FBXW11: variants seen among roughly 807,000 people sequenced by gnomAD.
FBXW11 encodes the protein F-box and WD repeat domain containing 11.
Under a neutral mutation model 77.6 loss-of-function variants are expected in FBXW11, and 19 were observed. The ratio of observed to expected loss-of-function variants is 0.24; its 90% CI spans 0.17 to 0.36. The LOEUF (loss-of-function observed/expected upper bound fraction) is 0.36, where lower values mean the gene tolerates loss of function less well. FBXW11 is among the 10% of genes least tolerant of loss of function. The pLI is 1.00. For synonymous variants in FBXW11, 235 were observed against 249.4 expected, an observed-to-expected ratio of 0.94 and a Z score of 0.54; for missense variants, 334 against 704.2, an observed-to-expected ratio of 0.47 and a Z score of 5.95.
At chr5:171,922,040 G>C (rs1045183146) in intron 2 of FBXW11, among the ~76,000 whole-genome samples, 1 of 136,130 alleles carries the variant, frequency 7.3e-6, no homozygotes, top group African/African-American at 2.7e-5. Context: ...CCAAGCAACA[G>C]TACATAAAGG....
At chr5:171,980,699 A>T (rs1328945145) in intron 1 of FBXW11, among the ~76,000 whole-genome samples, 1 of 152,220 alleles carries the variant, frequency 6.6e-6, no homozygotes. Flanking sequence ...TAGGATGTAG[A>T]GCAACTAAAC....
At chr5:171,937,206 C>T (rs1016211430) in intron 2 of FBXW11, among the ~76,000 whole-genome samples, 3 of 152,066 alleles carry the variant, frequency 2.0e-5, no homozygotes, top group African/African-American at 7.2e-5. Flanking sequence ...CAAAATGATA[C>T]TCAAGTTCAT....
intron 1 of FBXW11, among the ~76,000 whole-genome samples, chr5:172,003,910 T>C (rs1213856560): frequency 6.6e-6 from 1 of 152,206 alleles, no homozygotes; most frequent in Non-Finnish European, 1.5e-5. Context: ...GAAAGTTATC[T>C]TGTTAAGCAT....
chr5:172,000,169 A>G (rs1766327477), intron 1 of FBXW11, among the ~76,000 whole-genome samples: 1 of 152,216 alleles, frequency 6.6e-6, no homozygotes, highest in South Asian at 2.1e-4. Context: ...GAACAATACA[A>G]CTCAGAAGAA....
intron 13 of FBXW11, chr5:171,867,995 T>C (rs1757519925): frequency 6.6e-6 from 1 of 152,164 alleles, no homozygotes; most frequent in Non-Finnish European, 1.5e-5. Context: ...ACACGCTTAG[T>C]AATAATCAAA....
intron 4 of FBXW11, among the ~76,000 whole-genome samples, chr5:171,905,883 C>A (rs1760482777): frequency 6.6e-6 from 1 of 152,156 alleles, no homozygotes; most frequent in Admixed American, 6.5e-5. Flanking sequence ...CTCTCACCAC[C>A]ACCCCCTCTT....
At chr5:171,873,040 C>CT in intron 9 of FBXW11, 50 bp from the exon 10 acceptor site, 1 of 1,420,066 alleles carries the variant, frequency 7.0e-7, no homozygotes, top group South Asian at 1.2e-5. Flanking sequence ...GGAAAGTCCT[C>CT]TCACAATATA....
intron 2 of FBXW11, among the ~76,000 whole-genome samples, chr5:171,942,153 G>C (rs1238187991): frequency 7.3e-5 from 11 of 151,212 alleles, no homozygotes. Flanking sequence ...ATTTTACTGT[G>C]TATTTCCTAC....
chr5:171,912,683 G>C (rs1216428985), intron 3 of FBXW11, among the ~76,000 whole-genome samples: 1 of 152,068 alleles, frequency 6.6e-6, no homozygotes, highest in Non-Finnish European at 1.5e-5. Context: ...AAGTTGGCTG[G>C]ATCACTTAAG....
chr5:172,004,841 A>G (rs1194011237), intron 1 of FBXW11, among the ~76,000 whole-genome samples: 1 of 150,810 alleles, frequency 6.6e-6, no homozygotes, highest in East Asian at 1.9e-4. Context: ...TCAGTATGTG[A>G]CATCCCTTTG....
intron 2 of FBXW11, among the ~76,000 whole-genome samples, chr5:171,915,169 T>C (rs1405251064): frequency 3.9e-5 from 6 of 152,208 alleles, no homozygotes; most frequent in Non-Finnish European, 8.8e-5. Context: ...AGTGGGCTAG[T>C]TGTGCTCTGA....
intron 1 of FBXW11, among the ~76,000 whole-genome samples, chr5:171,968,456 CAA>C (rs70982358): frequency 6.0e-5 from 8 of 133,658 alleles, no homozygotes; most frequent in Non-Finnish European, 9.4e-5. Context: ...GACTCTGTCT[CAA>C]AAAAAAAAAA....
intron 6 of FBXW11, among the ~76,000 whole-genome samples, chr5:171,897,427 G>A (rs1255752716): frequency 6.6e-6 from 1 of 152,154 alleles, no homozygotes; most frequent in Non-Finnish European, 1.5e-5. Context: ...TAGAGGCTGT[G>A]TCGCACAGGG....
intron 1 of FBXW11, 102 bp downstream of exon 1, chr5:172,006,356 C>G: frequency 9.2e-7 from 1 of 1,092,000 alleles, no homozygotes; most frequent in Non-Finnish European, 1.3e-6. Flanking sequence ...GTCGAGGCGT[C>G]TGGGAAGGGC....
chr5:171,938,194 A>C (rs1482391319), intron 2 of FBXW11, among the ~76,000 whole-genome samples: 1 of 152,190 alleles, frequency 6.6e-6, no homozygotes, highest in Non-Finnish European at 1.5e-5. Context: ...TGGAGCTGGG[A>C]CCAAAGGCAC....
chr5:171,865,581 T>C (rs922044628), intron 13 of FBXW11, among the ~76,000 whole-genome samples: 4 of 152,192 alleles, frequency 2.6e-5, no homozygotes, highest in Middle Eastern at 3.2e-3. Context: ...TGTACAGTTA[T>C]AAAGCGTCAT....
chr5:171,952,422 C>CATATAT lies in FBXW11; in HGVS notation c.147+5169_147+5174dup, dbSNP rs1198809796. Among the ~76,000 whole-genome samples, 45 of 14,628 alleles carry CATATAT rather than the reference C, an allele frequency of 3.1e-3. 1 individual carries two copies. The highest frequency in any genetic ancestry group is 0.071 in the Middle Eastern group (1 of 14). The allele number at this position is 14,628 out of a possible 152,430, so 9.6% of individuals were successfully genotyped here. Reference sequence around the variant, plus strand: ...TGTGTGTGTGTGTTGTGTGTACATACATATATATATATATATATATATATA... The same window carrying CATATAT: ...TGTGTGTGTGTGTTGTGTGTACATACATATATATATATATATATATATATATATATA... On this transcript the variant is annotated intron_variant, in intron 2 of 13. Transcript: ENST00000517395.
chr5:171,942,380 C>T (rs1470999516), intron 2 of FBXW11, among the ~76,000 whole-genome samples: 4 of 151,892 alleles, frequency 2.6e-5, no homozygotes, highest in Non-Finnish European at 4.4e-5. Context: ...TTGGTCTTTG[C>T]GGGACTTCCA....
At chr5:171,881,441 A>G (rs934607142) in intron 7 of FBXW11, among the ~76,000 whole-genome samples, 1 of 151,952 alleles carries the variant, frequency 6.6e-6, no homozygotes, top group Non-Finnish European at 1.5e-5. Flanking sequence ...ATTTTCTCAA[A>G]CGCCCTTTCT....
Sources: allele counts gnomAD v4.1 joint callset (sites outside exome capture counted in the v4.1 genomes callset), GRCh38; gene constraint gnomAD v4.1.1; transcripts MANE v1.5; gene names NCBI Gene and HGNC (gene_info 2026-07-23, HGNC 2026-07-21).